The following ATP8B4 variants were observed in gnomAD, a reference collection of about 807,000 sequenced individuals.
ATP8B4 encodes probable phospholipid-transporting ATPase IM.
A neutral mutation model predicts 145.6 loss-of-function variants in ATP8B4; 133 were observed. That is an observed-to-expected ratio of 0.91 (90% confidence interval 0.79 to 1.05). The LOEUF is 1.05. Ranked by LOEUF, ATP8B4 falls within the 50% of genes least tolerant of loss-of-function variation. The pLI, the probability that ATP8B4 is intolerant of heterozygous loss-of-function variation, is 0.00. For missense variants in ATP8B4, 1,458 were observed against 1,425.2 expected (o/e 1.02, Z -0.37); for synonymous variants, 507 against 492.9 (o/e 1.03, Z -0.38).
chr15:49,858,476 G>A lies in ATP8B4; in HGVS notation c.*1718C>T, dbSNP rs547771003. On this transcript the variant is annotated 3_prime_UTR_variant, in exon 28 of 28. Transcript: ENST00000284509. ...ATCCCATTTAGGAAAGATTATCCCA[G>A]ACTTGAAAATTTTGGTTTTAAAAAA... 2.6e-5 allele frequency: 4 copies of A among 152,220 alleles called. No homozygotes were observed. The South Asian group carries it at 8.3e-4, about 32-fold the overall frequency. 9.4% of individuals were successfully genotyped at this position (152,220 alleles called of 1,614,324 possible).
chr15:49,972,490 C>T, intron 13 of ATP8B4, 92 bp downstream of exon 13: 1 of 1,236,044 alleles, frequency 8.1e-7, no homozygotes, highest in South Asian at 1.5e-5. Flanking sequence ...AAGCCAGCGA[C>T]TGTTTTGGAT....
intron 2 of ATP8B4, among the ~76,000 whole-genome samples, chr15:50,104,863 G>C (rs996789916): frequency 1.6e-4 from 1 of 6,134 alleles, no homozygotes; most frequent in African/African-American, 3.4e-4. Context: ...AGAAAATGTT[G>C]CATACACACA....
chr15:50,025,256 G>T (rs2153584989), intron 6 of ATP8B4, among the ~76,000 whole-genome samples: 1 of 152,242 alleles, frequency 6.6e-6, no homozygotes, highest in South Asian at 2.1e-4. Context: ...CATGCAGCAG[G>T]TATGAGATTT....
chr15:49,905,058 G>T (rs1014684560), intron 20 of ATP8B4, among the ~76,000 whole-genome samples: 2 of 152,142 alleles, frequency 1.3e-5, no homozygotes, highest in African/African-American at 4.8e-5. Context: ...AATTTTCTGA[G>T]AAACCATAGC....
chr15:50,074,145 A>G lies in ATP8B4; in HGVS notation c.69T>C (p.Asn23=). 6.2e-7 allele frequency: 1 copy of G among 1,613,224 alleles called. No individual in the cohort carries two copies. The highest frequency in any genetic ancestry group is 8.5e-7 in the Non-Finnish European group (1 of 1,179,400). ...CACTTACCGCATACTGGAACTTTTC[A>G]TTATATTCACGGTCATTGGCTTTCA... ...RIVKANDREY[N]EKFQYADNRI... Residue 23 remains asparagine (N), a synonymous_variant, in exon 3 of 28, where the codon AAT becomes AAC. Transcript: ENST00000284509.
intron 13 of ATP8B4, among the ~76,000 whole-genome samples, chr15:49,964,306 T>C (rs2044340504): frequency 6.6e-6 from 1 of 152,006 alleles, no homozygotes; most frequent in Non-Finnish European, 1.5e-5. Context: ...ATGCAGTCAC[T>C]GTAATAAAAT....
chr15:50,036,734 C>T (rs2050867558), intron 6 of ATP8B4, among the ~76,000 whole-genome samples: 1 of 152,168 alleles, frequency 6.6e-6, no homozygotes, highest in African/African-American at 2.4e-5. Flanking sequence ...GGGACACAAA[C>T]ACAATCAAGA....
intron 26 of ATP8B4, among the ~76,000 whole-genome samples, chr15:49,865,464 A>G (rs1472469627): frequency 2.0e-5 from 3 of 152,234 alleles, no homozygotes; most frequent in South Asian, 2.1e-4. Context: ...ACCCCAATTT[A>G]TAGCCAGCTG....
chr15:50,067,794 C>G (rs922476660), intron 3 of ATP8B4, among the ~76,000 whole-genome samples: 1 of 152,150 alleles, frequency 6.6e-6, no homozygotes, highest in Non-Finnish European at 1.5e-5. Flanking sequence ...TCTGCCTACA[C>G]TAGCTTCTTC....
At chr15:49,891,607 C>T (rs896383916) in intron 23 of ATP8B4, among the ~76,000 whole-genome samples, 7 of 152,182 alleles carry the variant, frequency 4.6e-5, no homozygotes, top group African/African-American at 9.6e-5. Context: ...ATTGCAGGTG[C>T]GAGCCACTGC....
Position 49,898,100 on chromosome 15 carries a change from C to A in ATP8B4, c.2441G>T (p.Gly814Val), listed in dbSNP as rs149008340. The change falls in exon 22 of 28, where the codon GGT becomes GTT. Residue 814 changes from glycine (G) to valine (V), a missense_variant. By Grantham distance (109) the Gly-to-Val change is moderately radical. Coordinates refer to ENST00000284509, the MANE Select transcript of ATP8B4 (RefSeq NM_024837.4). ...KYRNAVTLAI[G>V]DGANDVSMIK... ...CATGCTGACATCATTGGCTCCATCA[C>A]CAATGGCCAAAGTAACAGCATTTCT... 61 of 1,613,830 alleles carry A rather than the reference C, an allele frequency of 3.8e-5. No homozygotes were observed. The Middle Eastern group carries it at 6.6e-4, about 17-fold the overall frequency.
chr15:49,972,236 C>T (rs1455468607), intron 13 of ATP8B4, among the ~76,000 whole-genome samples: 5 of 152,052 alleles, frequency 3.3e-5, no homozygotes, highest in African/African-American at 1.2e-4. Flanking sequence ...CAAACTTGCA[C>T]GTTCTGCACA....
At position 50,070,566 on chromosome 15, in the gene ATP8B4, T is replaced by G. The variant is rs554247821; in HGVS notation, c.87+3561A>C. On this transcript the variant is annotated intron_variant, in intron 3 of 27. Transcript: ENST00000284509. ...GGTGTAGTTGGGGGTCCCATGCTCC[T>G]AAGAGCATGGCAGGTGCTCATTTTC... 2.6e-5 allele frequency among the ~76,000 whole-genome samples: 4 copies of G among 152,316 alleles called. No individual in the cohort carries two copies. The East Asian group carries it at 7.7e-4, about 29-fold the overall frequency.
intron 2 of ATP8B4, among the ~76,000 whole-genome samples, chr15:50,077,223 C>T (rs372919471): frequency 5.9e-5 from 9 of 152,330 alleles, no homozygotes; most frequent in East Asian, 1.9e-4. Context: ...TATAGTAAGC[C>T]AGCATGTTTA....
intron 1 of ATP8B4, among the ~76,000 whole-genome samples, chr15:50,146,014 C>T (rs199717984): frequency 3.7e-5 from 5 of 133,462 alleles, no homozygotes; most frequent in Admixed American, 7.7e-5. Flanking sequence ...TAAATGTTTA[C>T]TTTTTTTTTT....
At chr15:49,938,530 A>G (rs2041915616) in intron 14 of ATP8B4, among the ~76,000 whole-genome samples, 1 of 152,160 alleles carries the variant, frequency 6.6e-6, no homozygotes, top group Non-Finnish European at 1.5e-5. Context: ...CCTAATGATA[A>G]GGGATATAAC....
At chr15:49,941,915 T>C (rs1048922659) in intron 14 of ATP8B4, among the ~76,000 whole-genome samples, 8 of 152,200 alleles carry the variant, frequency 5.3e-5, no homozygotes, top group African/African-American at 1.9e-4. Flanking sequence ...TGGAGCCCAC[T>C]CTTCCAAGTG....
intron 6 of ATP8B4, among the ~76,000 whole-genome samples, chr15:50,023,779 C>CAAAAAAAAAAAAAAAAAAAAAA (rs60030651): frequency 1.1e-3 from 82 of 74,924 alleles, no homozygotes; most frequent in Non-Finnish European, 1.5e-3. Flanking sequence ...AGACCAAAGG[C>CAAAAAAAAAAAAAAAAAAAAAA]AAAAAAAAAA....
intron 14 of ATP8B4, among the ~76,000 whole-genome samples, chr15:49,943,298 G>A: frequency 6.6e-6 from 1 of 151,896 alleles, no homozygotes; most frequent in Admixed American, 6.6e-5. Flanking sequence ...GGACCAGAAA[G>A]CTTATTTAAA....
Sources: gnomAD v4.1 joint callset for allele counts (sites outside exome capture counted in the v4.1 genomes callset) on GRCh38, gnomAD v4.1.1 for gene constraint, MANE v1.5 for transcripts, NCBI Gene and HGNC (gene_info 2026-07-23, HGNC 2026-07-21) for gene names.